The following SEPTIN6 variants were observed in gnomAD, a reference collection of about 807,000 sequenced individuals.
The protein encoded by SEPTIN6 is septin 6.
SEPTIN6 carries 8 observed loss-of-function variants against 33.6 expected under a neutral mutation model. That is an observed-to-expected ratio of 0.24 (90% CI 0.14 to 0.43). The LOEUF is 0.43. Among genes scored for constraint, SEPTIN6 ranks in the 20% least tolerant of loss-of-function variants. SEPTIN6 has a pLI of 1.00. For missense variants in SEPTIN6, 250 were observed against 340.8 expected (o/e 0.73, Z 2.10); for synonymous variants, 131 against 140.0 (o/e 0.94, Z 0.45).
chrX:119,623,927 T>C (rs1316066586), intron 10 of SEPTIN6: 7 of 161,663 alleles, frequency 4.3e-5, no homozygotes, highest in Non-Finnish European at 7.5e-5. Context: ...CTGAGTCTAG[T>C]AGAGGAGATA....
intron 2 of SEPTIN6, among the ~76,000 whole-genome samples, chrX:119,670,004 G>C (rs1309946806): frequency 8.9e-6 from 1 of 111,742 alleles, no homozygotes; most frequent in African/African-American, 3.3e-5. Flanking sequence ...AGATGGATGA[G>C]TCTCTTTGGG....
intron 7 of SEPTIN6, among the ~76,000 whole-genome samples, chrX:119,634,912 G>A (rs2054031272): frequency 9.2e-6 from 1 of 108,993 alleles, no homozygotes; most frequent in Non-Finnish European, 1.9e-5. Flanking sequence ...GGGAGGCTGA[G>A]GCAGGAGAAT....
At position 119,617,020 on chromosome X, in the gene SEPTIN6, AAAAC is replaced by A. The variant is rs1302439240; in HGVS notation, c.*3069_*3072del. 9 of 961,715 alleles carry A rather than the reference AAAAC, an allele frequency of 9.4e-6. No homozygotes were observed. In the East Asian group the frequency reaches 3.7e-4, roughly 40 times the overall value. The allele number at this position is 961,715 out of a possible 1,213,427, so 79.3% of individuals were successfully genotyped here. ...GTGAATGCCAAATGATTAAAACAAAAAAACAAAAACAAGAGCCATCTACACTGCA... is the reference window on the plus strand; with the variant it reads ...GTGAATGCCAAATGATTAAAACAAAAAAAAACAAGAGCCATCTACACTGCA... On this transcript the variant is annotated 3_prime_UTR_variant, in exon 11 of 11. Coordinates refer to ENST00000394610, the MANE Select transcript of SEPTIN6 (RefSeq NM_145799.4).
At position 119,651,673 on chromosome X, in the gene SEPTIN6, AAAATAAATAAAT is replaced by A. The variant is rs751655915; in HGVS notation, c.528+1169_528+1180del. Among the ~76,000 whole-genome samples, 42 of 110,363 alleles carry A rather than the reference AAAATAAATAAAT, an allele frequency of 3.8e-4. No homozygotes were observed. The East Asian group carries it at 0.012, about 31-fold the overall frequency. Reference sequence around the variant, plus strand: ...GCAACAAGAGTGAAAGTCCGTCTCAAAAATAAATAAATAAATAAATATATATGTATCTATCTA... The same window carrying A: ...GCAACAAGAGTGAAAGTCCGTCTCAAAAATAAATATATATGTATCTATCTA... On this transcript the variant is annotated intron_variant, in intron 4 of 10. Transcript: ENST00000394610.
At chrX:119,659,861 C>T in intron 3 of SEPTIN6, among the ~76,000 whole-genome samples, 1 of 111,593 alleles carries the variant, frequency 9.0e-6, no homozygotes, top group East Asian at 2.8e-4. Context: ...ATCCCCTTTT[C>T]TCCAGCATCC....
intron 5 of SEPTIN6, chrX:119,646,766 G>A: frequency 3.3e-6 from 1 of 304,555 alleles, no homozygotes; most frequent in Non-Finnish European, 7.1e-6. Flanking sequence ...TGGGGTGGCT[G>A]AGGCTGTGGG....
At chrX:119,667,957 A>G (rs1047447631) in intron 2 of SEPTIN6, among the ~76,000 whole-genome samples, 1 of 111,809 alleles carries the variant, frequency 8.9e-6, no homozygotes, top group Non-Finnish European at 1.9e-5. Context: ...CAATAGTTTT[A>G]AAAAAAATTA....
chrX:119,661,684 T>C (rs189678468), intron 3 of SEPTIN6, among the ~76,000 whole-genome samples: 3 of 110,570 alleles, frequency 2.7e-5, no homozygotes, highest in African/African-American at 9.9e-5. Context: ...CCTCATCACA[T>C]TCCCATCTCT....
At chrX:119,649,847 G>A (rs2054323239) in intron 5 of SEPTIN6, 90 bp downstream of exon 5, 1 of 971,442 alleles carries the variant, frequency 1.0e-6, no homozygotes, top group Non-Finnish European at 1.4e-6. Context: ...CTCCAGCCTG[G>A]GCAACAGAGC....
At chrX:119,671,357 C>A (rs1314648621) in intron 2 of SEPTIN6, among the ~76,000 whole-genome samples, 2 of 107,638 alleles carry the variant, frequency 1.9e-5, no homozygotes, top group Non-Finnish European at 3.9e-5. Context: ...GCGTGACCTC[C>A]GCTCACTGTA....
At position 119,630,334 on chromosome X, in the gene SEPTIN6, G is replaced by A. The variant is rs191497255; in HGVS notation, c.1090-826C>T. ...AACATTATATAATGGGACCTCTTAT[G>A]TGTAAGGAACCCCTGTCTTTTCTTA... On this transcript the variant is annotated intron_variant, in intron 8 of 10. Transcript: ENST00000394610. 1.5e-4 allele frequency among the ~76,000 whole-genome samples: 17 copies of A among 111,798 alleles called. No homozygotes were observed. In the East Asian group the frequency reaches 3.4e-3, roughly 22 times the overall value.
rs973862059 is a variant in SEPTIN6, at chrX:119,631,605, ATTT to A, written c.1089+1752_1089+1754del. Among the ~76,000 whole-genome samples the A allele has an allele frequency of 5.6e-5, 6 of 108,023 alleles. No homozygotes were observed. The Admixed American group carries it at 5.9e-4, about 11-fold the overall frequency. 93.8% of individuals were successfully genotyped at this position (108,023 alleles called of 115,157 possible). A position where few individuals can be genotyped will look rare whatever the true frequency, so the allele number is the denominator to read the frequency against. ...TCTCCTCCTAAAAGTGCTGGGTGACATTTTTGTTTTTTTTATTGAGACAGAGTC... is the reference window on the plus strand; with the variant it reads ...TCTCCTCCTAAAAGTGCTGGGTGACATTGTTTTTTTTATTGAGACAGAGTC... On this transcript the variant is annotated intron_variant, in intron 8 of 10. Coordinates refer to ENST00000394610, the MANE Select transcript of SEPTIN6 (RefSeq NM_145799.4).
chrX:119,677,535 A>G (rs986378280), intron 1 of SEPTIN6, among the ~76,000 whole-genome samples: 1 of 112,721 alleles, frequency 8.9e-6, no homozygotes, highest in Non-Finnish European at 1.9e-5. Context: ...GAGCAGTCCA[A>G]GAAGGGCACG....
intron 7 of SEPTIN6, 146 bp from the exon 8 acceptor site, chrX:119,633,638 A>C: frequency 1.3e-6 from 1 of 782,299 alleles, no homozygotes; most frequent in Non-Finnish European, 1.8e-6. Flanking sequence ...AGCTGTGGGC[A>C]CCTGGCTTGG....
In SEPTIN6 at chrX:119,618,934, C is replaced by T. The variant is rs887135734; in HGVS notation, c.*1159G>A. Reference sequence around the variant, plus strand: ...GGGCTCTCTACTTCACAGAGGTTCCCAAAGCCACTATCAGATGGGACCCAT... The same window carrying T: ...GGGCTCTCTACTTCACAGAGGTTCCTAAAGCCACTATCAGATGGGACCCAT... On this transcript the variant is annotated 3_prime_UTR_variant, in exon 11 of 11. Transcript: ENST00000394610. The T allele has an allele frequency of 7.8e-6, 8 of 1,024,850 alleles. No homozygotes were observed. The highest frequency in any genetic ancestry group is 4.3e-5 in the Admixed American group (1 of 23,159). 84.5% of individuals were successfully genotyped at this position (1,024,850 alleles called of 1,213,427 possible).
intron 10 of SEPTIN6, among the ~76,000 whole-genome samples, chrX:119,620,917 C>T (rs745584149): frequency 1.5e-4 from 17 of 110,625 alleles, no homozygotes; most frequent in African/African-American, 5.3e-4. Flanking sequence ...GCACTGAGCC[C>T]GGCCTATCTC....
intron 10 of SEPTIN6, among the ~76,000 whole-genome samples, chrX:119,621,446 G>GGTGTGTGTGTGTGTGTGTGT (rs34517524): frequency 0.015 from 921 of 63,454 alleles, 37 homozygotes; most frequent in East Asian, 0.02. Context: ...GCCCAGAGCT[G>GGTGTGTGTGTGTGTGTGTGT]GTGTGTGTGT....
intron 1 of SEPTIN6, among the ~76,000 whole-genome samples, chrX:119,684,146 T>C (rs1014801558): frequency 9.0e-6 from 1 of 111,142 alleles, no homozygotes; most frequent in Non-Finnish European, 1.9e-5. Context: ...GGTTTCACCA[T>C]GTTGGCCAGG....
rs113540350 is a variant in SEPTIN6, at chrX:119,622,908, T to G, written c.*41+2427A>C. ...TCTTCCTAAATGGAAATCTGCTGTT[T>G]AATTCCAGTCAACTAGCAGGGGCTC... is the stretch of plus-strand genomic sequence containing the variant. On this transcript the variant is annotated intron_variant, in intron 10 of 10. Transcript: ENST00000394610. 3.8e-3 allele frequency among the ~76,000 whole-genome samples: 423 copies of G among 112,515 alleles called. 1 individual carries two copies. Among genetic ancestry groups the G allele is most frequent in the African/African-American group, 0.013 (404 of 31,034 alleles).
Sources: gnomAD v4.1 joint callset for allele counts (sites outside exome capture counted in the v4.1 genomes callset) on GRCh38, gnomAD v4.1.1 for gene constraint, MANE v1.5 for transcripts, NCBI Gene and HGNC (gene_info 2026-07-23, HGNC 2026-07-21) for gene names.